USP9X: variants seen among roughly 807,000 people sequenced by gnomAD.
USP9X encodes ubiquitin carboxyl-terminal hydrolase 9X.
A neutral mutation model predicts 190.3 loss-of-function variants in USP9X; 7 were observed. The observed-to-expected ratio is 0.04, with a 90% CI of 0.02 to 0.07. The LOEUF (loss-of-function observed/expected upper bound fraction) is 0.07. Ranked by LOEUF, USP9X falls within the 10% of genes least tolerant of loss-of-function variation. The pLI is 1.00. For missense variants in USP9X, 1,010 were observed against 1,916.9 expected (o/e 0.53, Z 8.83); for synonymous variants, 645 against 659.5 (o/e 0.98, Z 0.34).
At chrX:41,107,895 A>T (rs1788876265) in intron 1 of USP9X, among the ~76,000 whole-genome samples, 1 of 111,894 alleles carries the variant, frequency 8.9e-6, no homozygotes, top group South Asian at 3.6e-4. Flanking sequence ...GTCATATTTT[A>T]CTTCTTTAAG....
chrX:41,182,215 AT>A (rs1302204973), intron 21 of USP9X, among the ~76,000 whole-genome samples: 7 of 111,230 alleles, frequency 6.3e-5, no homozygotes, highest in Admixed American at 3.8e-4. Context: ...CTACAAAAAA[AT>A]ATGCAAAAAT....
At chrX:41,189,602 T>G in intron 26 of USP9X, 127 bp downstream of exon 26, 1 of 600,548 alleles carries the variant, frequency 1.7e-6, no homozygotes, top group East Asian at 3.7e-5. Flanking sequence ...TTGAGGAAAA[T>G]TTTATTATTT....
At chrX:41,097,124 G>T (rs1339391217) in intron 1 of USP9X, among the ~76,000 whole-genome samples, 1 of 111,698 alleles carries the variant, frequency 9.0e-6, no homozygotes, top group Admixed American at 9.6e-5. Flanking sequence ...TGAATTTAGG[G>T]ACCATAGACT....
At position 41,154,484 on chromosome X, in the gene USP9X, T is replaced by C. The variant is rs768232017; in HGVS notation, c.1897+1403T>C. ...TTAATGCTAATTTTTATTTACTTCA[T>C]TTGCATGTGGTGTTTAATTTCATTG... On this transcript the variant is annotated intron_variant, in intron 14 of 44. Coordinates refer to ENST00000378308, the MANE Select transcript of USP9X (RefSeq NM_001039591.3). Among the ~76,000 whole-genome samples the C allele has an allele frequency of 4.5e-5, 5 of 111,907 alleles. No individual in the cohort carries two copies. In the Admixed American group the frequency reaches 4.7e-4, roughly 11 times the overall value.
chrX:41,098,702 C>A (rs912147082), intron 1 of USP9X, among the ~76,000 whole-genome samples: 1 of 108,550 alleles, frequency 9.2e-6, no homozygotes, highest in African/African-American at 3.4e-5. Context: ...ATTACAGGCG[C>A]CTGCCACCAC....
At chrX:41,223,638 T>C (rs532470220) in intron 39 of USP9X, among the ~76,000 whole-genome samples, 12 of 111,425 alleles carry the variant, frequency 1.1e-4, no homozygotes, top group African/African-American at 3.9e-4. Flanking sequence ...GGTTTCGCCA[T>C]GTTGGTCATG....
intron 36 of USP9X, among the ~76,000 whole-genome samples, chrX:41,218,105 A>AGGG (rs1228323036): frequency 8.9e-6 from 1 of 112,118 alleles, no homozygotes; most frequent in Non-Finnish European, 1.9e-5. Context: ...TGTCAAGATA[A>AGGG]GGGGGTGGTA....
At chrX:41,197,791 G>A (rs376747539) in intron 29 of USP9X, among the ~76,000 whole-genome samples, 11 of 110,413 alleles carry the variant, frequency 1.0e-4, no homozygotes, top group African/African-American at 3.0e-4. Context: ...CCAGTGGATG[G>A]CTTGAGCCCA....
chrX:41,161,133 GT>G (rs1367276485), intron 14 of USP9X, among the ~76,000 whole-genome samples: 1 of 110,460 alleles, frequency 9.1e-6, no homozygotes, highest in Non-Finnish European at 1.9e-5. Context: ...TACTAGTGTA[GT>G]TTTCTTGTTA....
At chrX:41,198,777 A>G (rs976322965) in intron 30 of USP9X, 27 bp downstream of exon 30, 2 of 1,115,577 alleles carry the variant, frequency 1.8e-6, no homozygotes, top group African/African-American at 1.8e-5. Flanking sequence ...GAATGTGATA[A>G]TTGATCATTT....
intron 21 of USP9X, among the ~76,000 whole-genome samples, chrX:41,177,736 A>G (rs913858522): frequency 8.9e-6 from 1 of 111,817 alleles, no homozygotes; most frequent in Non-Finnish European, 1.9e-5. Flanking sequence ...TCCTTTCTAC[A>G]TTTATTAGTT....
intron 1 of USP9X, among the ~76,000 whole-genome samples, chrX:41,092,191 C>G (rs150371643): frequency 2.8e-4 from 31 of 111,814 alleles, no homozygotes; most frequent in African/African-American, 9.7e-4. Context: ...ATCCCATCTT[C>G]TACAGAGCCT....
chrX:41,086,176 A>AG (rs1277903155), intron 1 of USP9X, 67 bp downstream of exon 1: 1 of 290,040 alleles, frequency 3.4e-6, no homozygotes, highest in African/African-American at 2.8e-5. Flanking sequence ...GGGTGAGGGG[A>AG]GGAGGGCGAG....
intron 1 of USP9X, among the ~76,000 whole-genome samples, chrX:41,119,834 A>T (rs992237563): frequency 2.7e-5 from 3 of 112,299 alleles, no homozygotes; most frequent in African/African-American, 9.7e-5. Context: ...CGTCTCAAAA[A>T]AGAAAATAAT....
At chrX:41,207,078 C>CTTT (rs1385558770) in intron 32 of USP9X, among the ~76,000 whole-genome samples, 3 of 68,213 alleles carry the variant, frequency 4.4e-5, no homozygotes, top group African/African-American at 1.9e-4. Flanking sequence ...TGCTCCCTGG[C>CTTT]CTTTTTTTTT....
rs759623425 is a variant in USP9X, at chrX:41,161,635, CTTTTT to C, written c.1898-1136_1898-1132del. ...ACAGGCGTGAGCCATGGCGCCCTGC[CTTTTT>C]TTTTTTTTTTTTTTTTTTAAAGAGA... On this transcript the variant is annotated intron_variant, in intron 14 of 44. Transcript: ENST00000378308. Among the ~76,000 whole-genome samples the C allele has an allele frequency of 1.8e-3, 85 of 47,401 alleles. 3 individuals are homozygous for C. The highest frequency in any genetic ancestry group is 0.012 in the East Asian group (17 of 1,382). 41.2% of individuals were successfully genotyped at this position (47,401 alleles called of 115,157 possible).
At chrX:41,112,432 T>C (rs1299683309) in intron 1 of USP9X, among the ~76,000 whole-genome samples, 5 of 112,379 alleles carry the variant, frequency 4.4e-5, no homozygotes, top group Non-Finnish European at 9.4e-5. Flanking sequence ...ATAAGCTCAG[T>C]GTACTTAATC....
chrX:41,222,265 A>G (rs966434437), intron 38 of USP9X, among the ~76,000 whole-genome samples: 1 of 108,783 alleles, frequency 9.2e-6, no homozygotes, highest in African/African-American at 3.4e-5. Flanking sequence ...GGGAACTTGG[A>G]GAAACATCAG....
chrX:41,184,237 T>A (rs1239427342), intron 22 of USP9X, 109 bp downstream of exon 22: 1 of 1,008,963 alleles, frequency 9.9e-7, no homozygotes, highest in Non-Finnish European at 1.3e-6. Flanking sequence ...ATGATTTGGG[T>A]AAAATTGTAA....
Sources: gnomAD v4.1 joint callset for allele counts (sites outside exome capture counted in the v4.1 genomes callset) on GRCh38, gnomAD v4.1.1 for gene constraint, MANE v1.5 for transcripts, NCBI Gene and HGNC (gene_info 2026-07-23, HGNC 2026-07-21) for gene names.